The following PPHLN1 variants were observed in gnomAD, a reference collection of about 807,000 sequenced individuals.
PPHLN1 encodes periphilin 1, also known as periphilin-1.
In PPHLN1, 29 loss-of-function variants were observed where a neutral mutation model predicts 51.3. The observed-to-expected ratio is 0.57, with a 90% CI of 0.42 to 0.77. The LOEUF is 0.77. Ranked by LOEUF, PPHLN1 falls within the 30% of genes least tolerant of loss-of-function variation. The pLI is 0.00. For missense variants in PPHLN1, 436 were observed against 438.4 expected, an observed-to-expected ratio of 0.99 and a Z score of 0.05; for synonymous variants, 147 against 147.8, an observed-to-expected ratio of 0.99 and a Z score of 0.04.
chr12:42,348,853 T>C (rs2138114014), intron 2 of PPHLN1, among the ~76,000 whole-genome samples: 1 of 152,274 alleles, frequency 6.6e-6, no homozygotes, highest in East Asian at 1.9e-4. Context: ...TTAAATTTAA[T>C]TGAAATCTCT....
chr12:42,433,234 C>A, intron 9 of PPHLN1: 1 of 740,150 alleles, frequency 1.4e-6, no homozygotes, highest in East Asian at 2.5e-5. Flanking sequence ...CTTGAATATA[C>A]CTCTACTTCA....
chr12:42,420,287 A>T (rs1239703549), intron 9 of PPHLN1, among the ~76,000 whole-genome samples: 1 of 150,992 alleles, frequency 6.6e-6, no homozygotes, highest in East Asian at 1.9e-4. Context: ...GAATGGTACA[A>T]CTCTTGGACT....
At chr12:42,372,872 A>G (rs2138720840) in intron 4 of PPHLN1, among the ~76,000 whole-genome samples, 1 of 152,274 alleles carries the variant, frequency 6.6e-6, no homozygotes, top group Non-Finnish European at 1.5e-5. Flanking sequence ...TCATTTCATT[A>G]ATCTATCATG....
At chr12:42,388,539 T>G (rs139332897) in intron 7 of PPHLN1, among the ~76,000 whole-genome samples, 4,225 of 152,268 alleles carry the variant, frequency 0.028, 72 homozygotes, top group South Asian at 0.052. Flanking sequence ...CAATAAAAAC[T>G]GAGGGAACTC....
intron 7 of PPHLN1, among the ~76,000 whole-genome samples, chr12:42,390,754 G>C (rs2077618617): frequency 6.6e-6 from 1 of 151,098 alleles, no homozygotes; most frequent in African/African-American, 2.4e-5. Flanking sequence ...ACGTGGCCCA[G>C]GGAAGCCAAA....
At chr12:42,446,375 T>G, downstream of PPHLN1, 2 of 1,485,212 alleles carry the variant, frequency 1.3e-6, no homozygotes, top group South Asian at 2.7e-5. Context: ...TCTGCCTTTT[T>G]TCAGCCCTAT....
intron 9 of PPHLN1, among the ~76,000 whole-genome samples, chr12:42,440,251 G>C (rs556336766): frequency 6.6e-6 from 1 of 151,922 alleles, no homozygotes; most frequent in African/African-American, 2.4e-5. Context: ...TATAAATGGT[G>C]TTGTGTTTTA....
intron 2 of PPHLN1, among the ~76,000 whole-genome samples, chr12:42,337,906 C>CCT (rs2137848163): frequency 6.6e-6 from 1 of 152,076 alleles, no homozygotes; most frequent in African/African-American, 2.4e-5. Flanking sequence ...GCCTCAGCCT[C>CCT]CTGAGTAGCT....
At chr12:42,396,402 T>C in intron 8 of PPHLN1, among the ~76,000 whole-genome samples, 1 of 152,130 alleles carries the variant, frequency 6.6e-6, no homozygotes, top group Admixed American at 6.5e-5. Flanking sequence ...GGTACCATCC[T>C]AGCCATCAAG....
chr12:42,391,982 C>T (rs555842232), intron 7 of PPHLN1, among the ~76,000 whole-genome samples: 1 of 152,148 alleles, frequency 6.6e-6, no homozygotes, highest in South Asian at 2.1e-4. Context: ...TTTGGGAGGC[C>T]GAGGCAGGCG....
chr12:42,429,367 T>C (rs1413623632), intron 9 of PPHLN1, among the ~76,000 whole-genome samples: 1 of 152,212 alleles, frequency 6.6e-6, no homozygotes, highest in Non-Finnish European at 1.5e-5. Flanking sequence ...AAGAATTTGG[T>C]CTTTGCCTTA....
At chr12:42,370,519 A>G (rs1303965561) in intron 4 of PPHLN1, among the ~76,000 whole-genome samples, 1 of 151,980 alleles carries the variant, frequency 6.6e-6, no homozygotes, top group Non-Finnish European at 1.5e-5. Flanking sequence ...CTTCTCTTCT[A>G]CTTAGTCCCT....
chr12:42,365,605 A>C (rs1260384110), intron 4 of PPHLN1, among the ~76,000 whole-genome samples: 3 of 148,366 alleles, frequency 2.0e-5, no homozygotes, highest in Non-Finnish European at 4.5e-5. Context: ...ATAAGCATCT[A>C]AAGTAATCTG....
chr12:42,345,823 T>A (rs1199823201), intron 2 of PPHLN1, among the ~76,000 whole-genome samples: 2 of 152,198 alleles, frequency 1.3e-5, no homozygotes, highest in African/African-American at 4.8e-5. Flanking sequence ...AGATAGTCTT[T>A]ACAAGTCATA....
At chr12:42,338,204 C>A (rs138093758) in intron 2 of PPHLN1, among the ~76,000 whole-genome samples, 1 of 152,128 alleles carries the variant, frequency 6.6e-6, no homozygotes, top group Non-Finnish European at 1.5e-5. Context: ...TGGGATTACA[C>A]GCGTCAGCCA....
At chr12:42,444,890 G>T (rs533903263), downstream of PPHLN1, 3 of 575,104 alleles carry the variant, frequency 5.2e-6, no homozygotes, top group African/African-American at 3.8e-5. Context: ...ATGGAAAAGC[G>T]GCTATCTGGT....
intron 1 of PPHLN1, among the ~76,000 whole-genome samples, chr12:42,334,721 A>T (rs1441768534): frequency 6.6e-6 from 1 of 152,132 alleles, no homozygotes; most frequent in Non-Finnish European, 1.5e-5. Context: ...TTTTTTGCTC[A>T]TGGTGGTTCT....
At chr12:42,419,978 A>G (rs1796377) in intron 9 of PPHLN1, among the ~76,000 whole-genome samples, 45,911 of 152,092 alleles carry the variant, frequency 0.3, 7,871 homozygotes, top group Non-Finnish European at 0.38. Flanking sequence ...GAAATATAGG[A>G]TATCATAGTC....
chr12:42,433,032 GA>G, intron 9 of PPHLN1: 1 of 980,710 alleles, frequency 1.0e-6, no homozygotes, highest in Non-Finnish European at 1.7e-6. Flanking sequence ...ATATCCTCAG[GA>G]AAATCCACTG....
Sources: allele counts gnomAD v4.1 joint callset (sites outside exome capture counted in the v4.1 genomes callset), GRCh38; gene constraint gnomAD v4.1.1; transcripts MANE v1.5; gene names NCBI Gene and HGNC (gene_info 2026-07-23, HGNC 2026-07-21).